Variants in LAMB1 observed in about 807,000 individuals in gnomAD.
LAMB1 encodes the protein laminin subunit beta 1.
In LAMB1, 121 loss-of-function variants were observed where a neutral mutation model predicts 222.3. The ratio of observed to expected loss-of-function variants is 0.54; its 90% CI spans 0.47 to 0.63. LAMB1 has a LOEUF of 0.63. Among genes scored for constraint, LAMB1 ranks in the 30% least tolerant of loss-of-function variants. The probability of loss-of-function intolerance (pLI) is 0.00; values close to 1 mark genes in which losing one functional copy is unlikely to be tolerated. For synonymous variants in LAMB1, 794 were observed against 807.2 expected (o/e 0.98, Z 0.28); for missense variants, 2,172 against 2,240.8 (o/e 0.97, Z 0.62).
Position 107,953,709 on chromosome 7 carries a change from G to T in LAMB1, c.2900C>A (p.Ser967Ter), listed in dbSNP as rs1454089102. ...DCASGYFGNP[S>*]EVGGSCQPCQ... ...AGGCTGACACGACCCCCCAACTTCT[G>T]ATGGATTGCCAAAGTATCCTGAGGC... Residue 967 changes from serine (S) to a stop codon, truncating the protein, a stop_gained, in exon 22 of 34, where the codon TCA (serine) becomes TAA (stop). Transcript: ENST00000222399. LOFTEE classifies it high-confidence loss of function. 6.2e-7 allele frequency: 1 copy of T among 1,614,168 alleles called. No homozygotes were observed. Among genetic ancestry groups the T allele is most frequent in the African/African-American group, 1.3e-5 (1 of 75,044 alleles).
At chr7:107,947,595 G>A (rs2033145100) in intron 24 of LAMB1, among the ~76,000 whole-genome samples, 1 of 152,078 alleles carries the variant, frequency 6.6e-6, no homozygotes, top group Admixed American at 6.5e-5. Context: ...GGCCACACTG[G>A]TCCTACTCCT....
chr7:107,977,749 C>A (rs2033896522), intron 9 of LAMB1, among the ~76,000 whole-genome samples: 2 of 152,090 alleles, frequency 1.3e-5, no homozygotes, highest in Admixed American at 1.3e-4. Flanking sequence ...TGCACTACAG[C>A]CTAGGCGACA....
At chr7:107,951,138 T>C (rs2033238412) in intron 24 of LAMB1, 88 bp downstream of exon 24, 1 of 897,432 alleles carries the variant, frequency 1.1e-6, no homozygotes, top group Non-Finnish European at 1.8e-6. Flanking sequence ...TAATTTGTAC[T>C]GTGTTTTATA....
At chr7:107,933,163 G>C (rs1046366986) in intron 27 of LAMB1, among the ~76,000 whole-genome samples, 3 of 152,258 alleles carry the variant, frequency 2.0e-5, no homozygotes, top group South Asian at 4.1e-4. Flanking sequence ...GCATACAAAT[G>C]CAAATTGATA....
chr7:107,985,801 T>C (rs1021054962), intron 7 of LAMB1, among the ~76,000 whole-genome samples: 1 of 150,396 alleles, frequency 6.6e-6, no homozygotes, highest in Non-Finnish European at 1.5e-5. Context: ...CTACTAAAAA[T>C]ACAAAATTAG....
intron 32 of LAMB1, 50 bp from the exon 33 acceptor site, chr7:107,924,439 ATTACAT>A: frequency 6.9e-7 from 1 of 1,444,326 alleles, no homozygotes; most frequent in Non-Finnish European, 9.4e-7. Flanking sequence ...AGTGTCAGTA[ATTACAT>A]TTAAGAGCAA....
At chr7:107,956,386 G>A (rs1016987839) in intron 20 of LAMB1, among the ~76,000 whole-genome samples, 6 of 152,158 alleles carry the variant, frequency 3.9e-5, no homozygotes, top group South Asian at 2.1e-4. Context: ...TCCTCCCACC[G>A]AGTTTCTGAT....
rs535181505 is a variant in LAMB1 at position 107,953,671 on chromosome 7, T to G, written c.2938A>C (p.Asn980His). ...GGSCQPCQCH[N>H]NIDTTDPEAC... ...TCTGGGTCTGTCGTGTCAATGTTGT[T>G]GTGACACTGGCAAGGCTGACACGAC... The change falls in exon 22 of 34, where the codon AAC becomes CAC. Residue 980 changes from asparagine to histidine, a missense_variant. Asn to His is a moderately conservative substitution (Grantham distance 68). Coordinates refer to ENST00000222399, the MANE Select transcript of LAMB1 (RefSeq NM_002291.3). 3 of 1,614,196 alleles carry G rather than the reference T, an allele frequency of 1.9e-6. No homozygotes were observed. Among genetic ancestry groups the G allele is most frequent in the African/African-American group, 2.7e-5 (2 of 75,056 alleles).
At chr7:107,958,711 C>T (rs527308428) in intron 20 of LAMB1, among the ~76,000 whole-genome samples, 1 of 152,246 alleles carries the variant, frequency 6.6e-6, no homozygotes, top group African/African-American at 2.4e-5. Flanking sequence ...GAGGTATATT[C>T]TCTCTCCTAT....
intron 2 of LAMB1, chr7:108,002,224 C>T (rs768023458): frequency 5.8e-5 from 78 of 1,339,626 alleles, no homozygotes; most frequent in Non-Finnish European, 7.2e-5. Context: ...AGTGCGTGTG[C>T]GTGCACGCGC....
chr7:107,959,827 T>C lies in LAMB1; in HGVS notation c.2322A>G (p.Glu774=), dbSNP rs753010054. 1.2e-6 allele frequency: 2 copies of C among 1,612,648 alleles called. No homozygotes were observed. Among genetic ancestry groups the C allele is most frequent in the African/African-American group, 1.3e-5 (1 of 74,928 alleles). ...AACTTAACGAACCCTGAGGGTCGCA[T>C]TCACAAGCTGTGGGTAAAGAGAGGC... ...ALLHQTGLAC[E]CDPQGSLSSV... is the part of the protein sequence containing the mutation. The change falls in exon 19 of 34, where the codon GAA becomes GAG. Residue 774 remains glutamate (E), a synonymous_variant. Transcript: ENST00000222399.
intron 1 of LAMB1, 22 bp downstream of exon 1, chr7:108,003,089 G>A: frequency 1.7e-6 from 2 of 1,188,932 alleles, no homozygotes; most frequent in Non-Finnish European, 1.1e-6. Flanking sequence ...GGAAAATCGT[G>A]CAGCCACTTT....
Position 107,934,679 on chromosome 7 carries a change from C to T in LAMB1, c.4188+736G>A, listed in dbSNP as rs141797981. ...TAATACCCGTGAAAAAATTCTTTTG[C>T]TCCCTTTAATTTTTAATGGAAGCCC... is the stretch of plus-strand genomic sequence containing the variant. On this transcript the variant is annotated intron_variant, in intron 27 of 33. Transcript: ENST00000222399. Among the ~76,000 whole-genome samples, 491 of 152,190 alleles carry T rather than the reference C, an allele frequency of 3.2e-3. 3 individuals are homozygous for T. The highest frequency in any genetic ancestry group is 3.5e-3 in the Non-Finnish European group (241 of 68,008).
In LAMB1 at chr7:107,926,441, A is replaced by G. The variant is rs541371672; in HGVS notation, c.4888-82T>C. ...AGTACAAGTTTGGAGGAAGATTTAA[A>G]AGTCTGCTGTGCCATTTTGCTCTAG... is the stretch of plus-strand genomic sequence containing the variant. On this transcript the variant is annotated intron_variant, in intron 31 of 33. Transcript: ENST00000222399. The G allele has an allele frequency of 3.3e-6, 4 of 1,196,268 alleles. No individual in the cohort carries two copies. The South Asian group carries it at 5.7e-5, about 17-fold the overall frequency. 74.1% of individuals were successfully genotyped at this position (1,196,268 alleles called of 1,614,324 possible).
In LAMB1 at chr7:108,001,624, C is replaced by T. The variant is rs755411238; in HGVS notation, c.147G>A (p.Lys49=). The change falls in exon 3 of 34, where the codon AAG becomes AAA. Residue 49 remains lysine, a synonymous_variant. Transcript: ENST00000222399. ...TGDLLIGRAQ[K]LSVTSTCGLH... ...GCCCGCACGTCGAGGTCACCGAAAGCTTCTGTGCTCGGCCGATGAGAAGGT... is the reference window on the plus strand; with the variant it reads ...GCCCGCACGTCGAGGTCACCGAAAGTTTCTGTGCTCGGCCGATGAGAAGGT... 1.2e-6 allele frequency: 2 copies of T among 1,613,268 alleles called. No individual in the cohort carries two copies. Among genetic ancestry groups the T allele is most frequent in the Non-Finnish European group, 1.7e-6 (2 of 1,179,888 alleles).
chr7:107,924,499 A>G (rs573192665), intron 32 of LAMB1, 110 bp from the exon 33 acceptor site: 11 of 715,872 alleles, frequency 1.5e-5, no homozygotes, highest in Non-Finnish European at 2.3e-5. Context: ...GCCACCAAGG[A>G]TATTCACTGG....
At position 107,973,086 on chromosome 7, in the gene LAMB1, G is replaced by A. The variant is rs756601330; in HGVS notation, c.1483-15C>T. 17 of 1,606,914 alleles carry A rather than the reference G, an allele frequency of 1.1e-5. No individual in the cohort carries two copies. The highest frequency in any genetic ancestry group is 8.0e-5 in the African/African-American group (6 of 74,744). ...CAGTGCTCTGGCTGCAGAACAAAAC[G>A]TGAAACATGTAACGGTAGGTTTCTG... On this transcript the variant is annotated splice_polypyrimidine_tract_variant and intron_variant, in intron 12 of 33. Transcript: ENST00000222399.
At chr7:107,931,050 T>C (rs1474167667) in intron 29 of LAMB1, among the ~76,000 whole-genome samples, 1 of 152,114 alleles carries the variant, frequency 6.6e-6, no homozygotes. Flanking sequence ...CAAACTCCAC[T>C]TCTTTAAGGT....
chr7:107,929,766 A>C (rs1328060011), intron 29 of LAMB1, 147 bp from the exon 30 acceptor site: 4 of 612,008 alleles, frequency 6.5e-6, no homozygotes, highest in Admixed American at 6.0e-5. Flanking sequence ...TTTATAATCT[A>C]TCTGGGATTT....
Sources: gnomAD v4.1 joint callset for allele counts (sites outside exome capture counted in the v4.1 genomes callset) on GRCh38, gnomAD v4.1.1 for gene constraint, MANE v1.5 for transcripts, NCBI Gene and HGNC (gene_info 2026-07-23, HGNC 2026-07-21) for gene names.